Variants in DYRK1A observed in about 807,000 individuals in gnomAD.
DYRK1A encodes the protein dual specificity tyrosine-phosphorylation-regulated kinase 1A.
Under a neutral mutation model 79.7 loss-of-function variants are expected in DYRK1A, and 9 were observed. The ratio of observed to expected loss-of-function variants is 0.11; its 90% CI spans 0.07 to 0.20. The LOEUF (loss-of-function observed/expected upper bound fraction) is 0.20, where lower values mean the gene tolerates loss of function less well. Ranked by LOEUF, DYRK1A falls within the 10% of genes least tolerant of loss-of-function variation. The pLI, the probability that DYRK1A is intolerant of heterozygous loss-of-function variation, is 1.00. For missense variants in DYRK1A, 622 were observed against 956.0 expected, an observed-to-expected ratio of 0.65 and a Z score of 4.61; for synonymous variants, 349 against 329.7, an observed-to-expected ratio of 1.06 and a Z score of -0.63.
In DYRK1A at chr21:37,523,696, T is replaced by A; in HGVS notation, c.*11165T>A. ...TTTGTATGGCTCACCAAACTAAGGG[T>A]GATTTTCACATTTTACATGGCTGAA... On this transcript the variant is annotated 3_prime_UTR_variant, in exon 12 of 12. Transcript: ENST00000647188. 6.6e-6 allele frequency: 1 copy of A among 152,142 alleles called. No homozygotes were observed. The highest frequency in any genetic ancestry group is 1.9e-4 in the East Asian group (1 of 5,184). 9.4% of individuals were successfully genotyped at this position (152,142 alleles called of 1,614,324 possible). A position where few individuals can be genotyped will look rare whatever the true frequency, so the allele number is the denominator to read the frequency against.
chr21:37,366,563 C>A (rs564040235), upstream of DYRK1A, among the ~76,000 whole-genome samples: 1 of 151,276 alleles, frequency 6.6e-6, no homozygotes, highest in Admixed American at 6.6e-5. Flanking sequence ...CTCTGACACT[C>A]GTAGCGGACC....
At position 37,480,620 on chromosome 21, in the gene DYRK1A, T is replaced by C. The variant is rs769082928; in HGVS notation, c.301-18T>C. On this transcript the variant is annotated intron_variant, in intron 4 of 11. Transcript: ENST00000647188. ...GTGATTTAAATTTTACAGTTAACACTATGTATTCTCATTTCAGGTTTACTA... is the reference window on the plus strand; with the variant it reads ...GTGATTTAAATTTTACAGTTAACACCATGTATTCTCATTTCAGGTTTACTA... 2.6e-6 allele frequency: 4 copies of C among 1,563,956 alleles called. No homozygotes were observed. The highest frequency in any genetic ancestry group is 4.5e-5 in the East Asian group (2 of 44,040).
At chr21:37,492,717 T>G (rs947612909) in intron 7 of DYRK1A, among the ~76,000 whole-genome samples, 1 of 149,340 alleles carries the variant, frequency 6.7e-6, no homozygotes, top group Admixed American at 6.7e-5. Context: ...TTCAATAGTG[T>G]TTTTTTTTTC....
In DYRK1A at chr21:37,453,634, A is replaced by G. The variant is rs185776248; in HGVS notation, c.11-19050A>G. ...GATGCCTTGCTAGTTACTTCCCTGA[A>G]GGATAATCTTCAGTTACATTTTAAG... is the stretch of plus-strand genomic sequence containing the variant. On this transcript the variant is annotated intron_variant, in intron 2 of 11. Coordinates refer to ENST00000647188, the MANE Select transcript of DYRK1A (RefSeq NM_001347721.2). Among the ~76,000 whole-genome samples the G allele has an allele frequency of 6.6e-5, 10 of 152,272 alleles. No homozygotes were observed. The East Asian group carries it at 1.7e-3, about 26-fold the overall frequency.
intron 1 of DYRK1A, among the ~76,000 whole-genome samples, chr21:37,411,685 G>A (rs889465450): frequency 2.0e-5 from 3 of 151,930 alleles, no homozygotes; most frequent in Admixed American, 6.6e-5. Flanking sequence ...AAAATTCCAG[G>A]GTAACAATTT....
At position 37,506,143 on chromosome 21, in the gene DYRK1A, C is replaced by T. The variant is rs757603372; in HGVS notation, c.1564C>T (p.Pro522Ser). The change falls in exon 11 of 12, where the codon CCG becomes TCG. Residue 522 changes from proline to serine, a missense_variant. By Grantham distance (74) the Pro-to-Ser change is moderately conservative. Transcript: ENST00000647188. ...TSNSGRARSD[P>S]THQHRHSGGH... The stretch of plus-strand genomic sequence containing the variant: ...CAACAGTGGGAGAGCCCGGTCGGAT[C>T]CGACGCACCAGCATCGGCACAGTGG... The T allele has an allele frequency of 8.1e-6, 13 of 1,613,848 alleles. No homozygotes were observed. In the Admixed American group the frequency reaches 1.0e-4, roughly 12 times the overall value.
At chr21:37,438,704 A>G (rs973910223) in intron 2 of DYRK1A, among the ~76,000 whole-genome samples, 11 of 152,264 alleles carry the variant, frequency 7.2e-5, no homozygotes, top group African/African-American at 2.6e-4. Flanking sequence ...TACCAATACC[A>G]TATTGTGTTG....
chr21:37,511,994 A>G lies in DYRK1A; in HGVS notation c.1728A>G (p.Gln576=). Residue 576 remains glutamine, a synonymous_variant, in exon 12 of 12, where the codon CAA becomes CAG. Transcript: ENST00000647188. ...TQVTVETHPV[Q]ETTFHVAPQQ... is the part of the protein sequence containing the mutation. The stretch of plus-strand genomic sequence containing the variant: ...TCACTGTTGAAACTCATCCTGTTCA[A>G]GAAACAACCTTTCATGTAGCCCCTC... 1 of 1,614,126 alleles carries G rather than the reference A, an allele frequency of 6.2e-7. No individual in the cohort carries two copies. Among genetic ancestry groups the G allele is most frequent in the Non-Finnish European group, 8.5e-7 (1 of 1,180,010 alleles).
intron 2 of DYRK1A, among the ~76,000 whole-genome samples, chr21:37,422,692 TA>T (rs2050508691): frequency 6.6e-6 from 1 of 152,162 alleles, no homozygotes; most frequent in Non-Finnish European, 1.5e-5. Context: ...ATGAATATGT[TA>T]ATTGGCTTGA....
intron 1 of DYRK1A, among the ~76,000 whole-genome samples, chr21:37,401,848 G>A (rs188023006): frequency 6.6e-5 from 10 of 152,162 alleles, no homozygotes; most frequent in East Asian, 3.9e-4. Context: ...TGTATCTTTC[G>A]CAATTACTGT....
intron 8 of DYRK1A, among the ~76,000 whole-genome samples, chr21:37,493,433 T>TA (rs1316130716): frequency 1.3e-5 from 2 of 152,274 alleles, no homozygotes; most frequent in Middle Eastern, 3.4e-3. Context: ...AGGTTTTAAA[T>TA]ACAATACAGA....
chr21:37,451,595 C>A (rs1032247074), intron 2 of DYRK1A, among the ~76,000 whole-genome samples: 1 of 149,410 alleles, frequency 6.7e-6, no homozygotes, highest in Non-Finnish European at 1.5e-5. Context: ...TAGGCTCCAC[C>A]GTCTAGCGTG....
Position 37,523,743 on chromosome 21 carries a change from G to T in DYRK1A, c.*11212G>T, listed in dbSNP as rs1404317669. 6.6e-6 allele frequency: 1 copy of T among 152,164 alleles called. No homozygotes were observed. The highest frequency in any genetic ancestry group is 1.5e-5 in the Non-Finnish European group (1 of 68,024). The allele number at this position is 152,164 out of a possible 1,614,324, so 9.4% of individuals were successfully genotyped here. A position where few individuals can be genotyped will look rare whatever the true frequency, so the allele number is the denominator to read the frequency against. ...TGAAAAACATCAAATGATATTTCAG[G>T]ACATAGGGAAATTATATGACATTTG... On this transcript the variant is annotated 3_prime_UTR_variant, in exon 12 of 12. Transcript: ENST00000647188.
In DYRK1A at chr21:37,522,249, GC is replaced by G. The variant is rs1268793232; in HGVS notation, c.*9721del. The stretch of plus-strand genomic sequence containing the variant: ...TAGCAATGCAAAATCTCAGGCCCCA[GC>G]CCAGACCACTGGATGAGAATCTGCA... On this transcript the variant is annotated 3_prime_UTR_variant, in exon 12 of 12. Coordinates refer to ENST00000647188, the MANE Select transcript of DYRK1A (RefSeq NM_001347721.2). The G allele has an allele frequency of 2.0e-5, 3 of 152,182 alleles. No homozygotes were observed. Among genetic ancestry groups the G allele is most frequent in the Non-Finnish European group, 4.4e-5 (3 of 68,054 alleles). 9.4% of individuals were successfully genotyped at this position (152,182 alleles called of 1,614,324 possible).
At chr21:37,413,590 A>T (rs555162506) in intron 1 of DYRK1A, among the ~76,000 whole-genome samples, 1 of 151,912 alleles carries the variant, frequency 6.6e-6, no homozygotes, top group South Asian at 2.1e-4. Context: ...TCTGATAGAT[A>T]CTCCTTTGTT....
At chr21:37,437,836 G>T (rs1343197566) in intron 2 of DYRK1A, among the ~76,000 whole-genome samples, 1 of 152,120 alleles carries the variant, frequency 6.6e-6, no homozygotes, top group Non-Finnish European at 1.5e-5. Flanking sequence ...TTTTTGTATG[G>T]ACATATGTTT....
chr21:37,368,751 A>C (rs769826341), intron 1 of DYRK1A, among the ~76,000 whole-genome samples: 2 of 152,232 alleles, frequency 1.3e-5, no homozygotes, highest in African/African-American at 2.4e-5. Context: ...TCCAGGAGCC[A>C]GAAGGCTGTA....
rs181425396 is a variant in DYRK1A, at chr21:37,391,939, C to T, written c.-77+24311C>T. 5.3e-5 allele frequency among the ~76,000 whole-genome samples: 8 copies of T among 152,362 alleles called. No homozygotes were observed. In the East Asian group the frequency reaches 1.5e-3, roughly 29 times the overall value. The stretch of plus-strand genomic sequence containing the variant: ...TAAACAAACATACAGATCCTCTAAA[C>T]TAGTAAAGCCACCCAAGCTTGTTTG... On this transcript the variant is annotated intron_variant, in intron 1 of 11. Coordinates refer to ENST00000647188, the MANE Select transcript of DYRK1A (RefSeq NM_001347721.2).
At chr21:37,403,533 A>G (rs888661893) in intron 1 of DYRK1A, among the ~76,000 whole-genome samples, 9 of 151,966 alleles carry the variant, frequency 5.9e-5, no homozygotes, top group Non-Finnish European at 1.5e-5. Context: ...TGGTGCAGTC[A>G]TAGTTCACTG....
Sources: allele counts gnomAD v4.1 joint callset (sites outside exome capture counted in the v4.1 genomes callset), GRCh38; gene constraint gnomAD v4.1.1; transcripts MANE v1.5; gene names NCBI Gene and HGNC (gene_info 2026-07-23, HGNC 2026-07-21).